Variants in PRPF31 observed in about 807,000 individuals in gnomAD.
PRPF31 encodes the protein U4/U6 small nuclear ribonucleoprotein Prp31.
In PRPF31, 12 loss-of-function variants were observed where a neutral mutation model predicts 60.4. That is an observed-to-expected ratio of 0.20 (90% confidence interval 0.13 to 0.32). The LOEUF (loss-of-function observed/expected upper bound fraction) is 0.32, where lower values mean the gene tolerates loss of function less well. PRPF31 is among the 10% of genes least tolerant of loss of function. The pLI is 1.00. For missense variants in PRPF31, 431 were observed against 687.1 expected (o/e 0.63, Z 4.17); for synonymous variants, 287 against 287.9 (o/e 1.00, Z 0.03).
chr19:54,120,490 C>T (rs2073759776), intron 3 of PRPF31: 1 of 152,230 alleles, frequency 6.6e-6, no homozygotes, highest in Non-Finnish European at 1.5e-5. Flanking sequence ...GCCATTTGAG[C>T]ATCAGGGTTA....
In PRPF31 at chr19:54,123,839, G is replaced by T. The variant is rs1364899257; in HGVS notation, c.618G>T (p.Glu206Asp). The T allele has an allele frequency of 1.2e-6, 2 of 1,613,948 alleles. No homozygotes were observed. The highest frequency in any genetic ancestry group is 4.5e-5 in the East Asian group (2 of 44,876). ...ACGCCTCCAAGCACCGCATCTACGA[G>T]TATGTGGAGTCCCGGATGTCCTTCA... Reference protein sequence around the residue: ...ELNASKHRIYEYVESRMSFIA... With the variant: ...ELNASKHRIYDYVESRMSFIA... The change falls in exon 7 of 14, where the codon GAG becomes GAT. Residue 206 changes from glutamate to aspartate, a missense_variant. Glu to Asp is a conservative substitution (Grantham distance 45, BLOSUM62 2). Around this residue, in one of 4 missense-constraint regions of PRPF31, gnomAD observed 314 missense variants for 475.3 expected, o/e 0.66. Coordinates refer to ENST00000321030, the MANE Select transcript of PRPF31 (RefSeq NM_015629.4).
intron 13 of PRPF31, 33 bp downstream of exon 13, chr19:54,129,403 C>T (rs1313923248): frequency 6.4e-7 from 1 of 1,560,312 alleles, no homozygotes; most frequent in Non-Finnish European, 8.7e-7. Context: ...GTCCCCAGCC[C>T]TGAGACCTTG....
chr19:54,128,244 G>T, intron 10 of PRPF31, 44 bp downstream of exon 10: 1 of 1,561,656 alleles, frequency 6.4e-7, no homozygotes, highest in Non-Finnish European at 8.7e-7. Context: ...GTCATGGAGG[G>T]GAGAAGCCGG....
chr19:54,123,551 C>T lies in PRPF31; in HGVS notation c.518C>T (p.Thr173Ile). 1 of 1,614,128 alleles carries T rather than the reference C, an allele frequency of 6.2e-7. No individual in the cohort carries two copies. The highest frequency in any genetic ancestry group is 8.5e-7 in the Non-Finnish European group (1 of 1,179,946). Residue 173 changes from threonine to isoleucine, a missense_variant, in exon 6 of 14, where the codon ACC becomes ATC. Thr to Ile is a moderately conservative substitution (Grantham distance 89). Coordinates refer to ENST00000321030, the MANE Select transcript of PRPF31 (RefSeq NM_015629.4). ...TIMVVSVTAS[T>I]TQGQQLSEEE... ...ATGGTCGTCAGCGTCACCGCCTCCA[C>T]CACCCAGGGGTATGTCCGCTTCGAG...
rs373430109 is a variant in PRPF31, at chr19:54,115,785, G to T, written c.-21G>T. ...CGACTAACGCTAGAAACAGTGGTGC[G>T]CGGAGAGGAGAGGTGAGTGTGATGG... On this transcript the variant is annotated 5_prime_UTR_variant, in exon 1 of 14. Transcript: ENST00000321030. 30 of 243,950 alleles carry T rather than the reference G, an allele frequency of 1.2e-4. No individual in the cohort carries two copies. The East Asian group carries it at 1.7e-3, about 14-fold the overall frequency. 15.1% of individuals were successfully genotyped at this position (243,950 alleles called of 1,614,324 possible).
intron 13 of PRPF31, 81 bp downstream of exon 13, chr19:54,129,451 AG>A: frequency 6.8e-7 from 1 of 1,472,996 alleles, no homozygotes; most frequent in Non-Finnish European, 9.2e-7. Flanking sequence ...GAAGAAGGCC[AG>A]GATGAGTCTC....
chr19:54,122,890 C>G (rs2073827505), intron 5 of PRPF31: 1 of 554,228 alleles, frequency 1.8e-6, no homozygotes, highest in Non-Finnish European at 3.3e-6. Flanking sequence ...ACAGGGCAGG[C>G]ACACGGAGAT....
intron 8 of PRPF31, 57 bp downstream of exon 8, chr19:54,124,713 C>G: frequency 1.3e-6 from 2 of 1,577,368 alleles, no homozygotes; most frequent in Admixed American, 1.7e-5. Flanking sequence ...TCCGCTGTGC[C>G]CAGACAGCCT....
At chr19:54,116,965 G>T (rs2073658824) in intron 1 of PRPF31, among the ~76,000 whole-genome samples, 1 of 152,146 alleles carries the variant, frequency 6.6e-6, no homozygotes. Context: ...GCGTGCTGGT[G>T]CGTGCCTGTC....
Position 54,129,258 on chromosome 19 carries a change from T to C in PRPF31, c.1276-14T>C, listed in dbSNP as rs753458485. 5.0e-6 allele frequency: 8 copies of C among 1,609,754 alleles called. No homozygotes were observed. Among genetic ancestry groups the C allele is most frequent in the Non-Finnish European group, 6.8e-6 (8 of 1,178,664 alleles). On this transcript the variant is annotated splice_polypyrimidine_tract_variant and intron_variant, in intron 12 of 13. Coordinates refer to ENST00000321030, the MANE Select transcript of PRPF31 (RefSeq NM_015629.4). ...GGGGGAGCCCAGATCGCAGCCTCCCTGTCCTCCCCACAGCGGACCCTGCAG... is the reference window on the plus strand; with the variant it reads ...GGGGGAGCCCAGATCGCAGCCTCCCCGTCCTCCCCACAGCGGACCCTGCAG...
At chr19:54,128,399 C>T (rs1245770839) in intron 11 of PRPF31, 22 bp downstream of exon 11, 8 of 1,545,828 alleles carry the variant, frequency 5.2e-6, no homozygotes, top group Non-Finnish European at 6.1e-6. Flanking sequence ...AGAGCGCCCT[C>T]CTCAACCCCA....
intron 2 of PRPF31, 37 bp downstream of exon 2, chr19:54,118,492 A>G: frequency 6.2e-7 from 1 of 1,614,006 alleles, no homozygotes. Context: ...AGGGGGCTCT[A>G]GACAGAATCT....
intron 11 of PRPF31, among the ~76,000 whole-genome samples, chr19:54,128,599 C>T (rs2073981373): frequency 3.3e-5 from 5 of 151,902 alleles, no homozygotes; most frequent in South Asian, 2.1e-4. Flanking sequence ...AGAGCCCCCG[C>T]GGCTTCCCAT....
Position 54,129,048 on chromosome 19 carries a change from C to G in PRPF31, c.1147-9C>G, listed in dbSNP as rs655240. 8 of 1,565,430 alleles carry G rather than the reference C, an allele frequency of 5.1e-6. 1 individual carries two copies. Among genetic ancestry groups the G allele is most frequent in the South Asian group, 4.7e-5 (4 of 85,216 alleles). On this transcript the variant is annotated splice_polypyrimidine_tract_variant and intron_variant, in intron 11 of 13. Transcript: ENST00000321030. ...CGCTGAACTGCAGGGCGCCTCCTCT[C>G]CCCCCTAGATCGAGGAGGACGCCTA...
chr19:54,126,442 C>A, intron 8 of PRPF31, 86 bp from the exon 9 acceptor site: 1 of 1,318,358 alleles, frequency 7.6e-7, no homozygotes, highest in Non-Finnish European at 1.1e-6. Flanking sequence ...CAGGTAGAGC[C>A]AGAGGAGGAG....
chr19:54,123,295 G>A lies in PRPF31; in HGVS notation c.421-159G>A, dbSNP rs2146417720. 25 of 702,918 alleles carry A rather than the reference G, an allele frequency of 3.6e-5. No homozygotes were observed. The South Asian group carries it at 3.7e-4, about 11-fold the overall frequency. The allele number at this position is 702,918 out of a possible 1,614,324, so 43.5% of individuals were successfully genotyped here. A position where few individuals can be genotyped will look rare whatever the true frequency, so the allele number is the denominator to read the frequency against. On this transcript the variant is annotated intron_variant, in intron 5 of 13. Transcript: ENST00000321030. ...TTGACGTGGTGGAGGCAGGAATGGT[G>A]TGGATGCTTCAGGCGGTGGAGGCAG... is the stretch of plus-strand genomic sequence containing the variant.
At chr19:54,119,138 T>G (rs899978339) in intron 3 of PRPF31, among the ~76,000 whole-genome samples, 40 of 152,048 alleles carry the variant, frequency 2.6e-4, no homozygotes, top group African/African-American at 9.7e-4. Flanking sequence ...ATCCCAGCAC[T>G]TTGGGAGGCG....
chr19:54,131,121 CCA>C (rs2074039301), intron 13 of PRPF31, among the ~76,000 whole-genome samples, 184 bp from the exon 14 acceptor site: 1 of 152,192 alleles, frequency 6.6e-6, no homozygotes, highest in South Asian at 2.1e-4. Context: ...TGGTTCCTCC[CCA>C]CCCTCTCCCT....
intron 7 of PRPF31, chr19:54,124,225 G>A (rs587728274): frequency 4.8e-5 from 31 of 646,568 alleles, no homozygotes; most frequent in African/African-American, 3.8e-4. Flanking sequence ...CTGGAACGGC[G>A]TTAGTGTGGC....
Sources: allele counts gnomAD v4.1 joint callset (sites outside exome capture counted in the v4.1 genomes callset), GRCh38; gene constraint gnomAD v4.1.1; regional missense constraint gnomAD v4.1.1; transcripts MANE v1.5; gene names NCBI Gene and HGNC (gene_info 2026-07-23, HGNC 2026-07-21).